The following CFAP46 variants were observed in gnomAD, a reference collection of about 807,000 sequenced individuals.
CFAP46 encodes cilia and flagella associated protein 46.
CFAP46 carries 245 observed loss-of-function variants against 325.7 expected under a neutral mutation model. The observed-to-expected ratio is 0.75, with a 90% CI of 0.68 to 0.84. The LOEUF (loss-of-function observed/expected upper bound fraction) is 0.84, where lower values mean the gene tolerates loss of function less well. Ranked by LOEUF, CFAP46 falls within the 40% of genes least tolerant of loss-of-function variation. The pLI, the probability that CFAP46 is intolerant of heterozygous loss-of-function variation, is 0.00. For missense variants in CFAP46, 3,346 were observed against 3,543.0 expected (o/e 0.94, Z 1.41); for synonymous variants, 1,523 against 1,495.9 (o/e 1.02, Z -0.42).
chr10:132,862,978 C>G (rs1210608842), intron 35 of CFAP46, among the ~76,000 whole-genome samples: 1 of 152,064 alleles, frequency 6.6e-6, no homozygotes, highest in African/African-American at 2.4e-5. Context: ...CGGGAAAGAT[C>G]AAGGAAACAA....
intron 8 of CFAP46, among the ~76,000 whole-genome samples, chr10:132,930,540 C>T (rs1849880110): frequency 2.1e-5 from 3 of 140,480 alleles, no homozygotes; most frequent in Admixed American, 7.0e-5. Context: ...GGGCCTTCCC[C>T]ACACTCCGCA....
intron 50 of CFAP46, among the ~76,000 whole-genome samples, chr10:132,831,903 T>A (rs559238617): frequency 6.5e-4 from 99 of 152,294 alleles, no homozygotes; most frequent in African/African-American, 2.3e-3. Context: ...GTTTTTTGTT[T>A]GTTTTTCTTG....
rs1050474064 is a variant in CFAP46, at chr10:132,879,384, G to A, written c.4005+42C>T. On this transcript the variant is annotated intron_variant, in intron 29 of 57. Transcript: ENST00000368586. The stretch of plus-strand genomic sequence containing the variant: ...GTTTCCCCAGCCCGCGGCCCGTCCC[G>A]GGAGGTGCTGCAGGAGCAGGGGAGT... 1.7e-5 allele frequency: 24 copies of A among 1,445,396 alleles called. No individual in the cohort carries two copies. In the Admixed American group the frequency reaches 2.2e-4, roughly 13 times the overall value. 89.5% of individuals were successfully genotyped at this position (1,445,396 alleles called of 1,614,324 possible).
At chr10:132,899,933 G>C (rs573600740) in intron 22 of CFAP46, among the ~76,000 whole-genome samples, 1 of 152,194 alleles carries the variant, frequency 6.6e-6, no homozygotes, top group Admixed American at 6.5e-5. Context: ...GCCGGAGACA[G>C]CCGCCCTGGG....
intron 26 of CFAP46, 73 bp from the exon 27 acceptor site, chr10:132,885,359 G>T: frequency 7.2e-7 from 1 of 1,388,694 alleles, no homozygotes; most frequent in Non-Finnish European, 9.7e-7. Context: ...GATGCAGCCC[G>T]GACTTATTCC....
At chr10:132,849,185 C>T (rs1251546992) in intron 41 of CFAP46, among the ~76,000 whole-genome samples, 3 of 152,246 alleles carry the variant, frequency 2.0e-5, no homozygotes, top group Admixed American at 1.3e-4. Flanking sequence ...TGGATGAGGA[C>T]GCAGCTCACA....
At chr10:132,916,756 C>T in intron 16 of CFAP46, 74 bp from the exon 17 acceptor site, 1 of 1,400,056 alleles carries the variant, frequency 7.1e-7, no homozygotes. Context: ...AACACACACG[C>T]CCTTCCCTCA....
At chr10:132,910,422 G>A (rs537994081) in intron 19 of CFAP46, among the ~76,000 whole-genome samples, 15 of 152,356 alleles carry the variant, frequency 9.8e-5, no homozygotes, top group Admixed American at 3.3e-4. Flanking sequence ...ACGGAGCCCC[G>A]AAAGTGGGGG....
At chr10:132,867,041 C>T (rs1170023622) in intron 34 of CFAP46, among the ~76,000 whole-genome samples, 5 of 152,142 alleles carry the variant, frequency 3.3e-5, no homozygotes, top group Non-Finnish European at 7.4e-5. Context: ...CCGGGGAATT[C>T]CAGGGCCCAC....
intron 38 of CFAP46, among the ~76,000 whole-genome samples, chr10:132,858,543 G>A (rs1397512767): frequency 1.3e-5 from 2 of 152,180 alleles, no homozygotes; most frequent in East Asian, 3.9e-4. Flanking sequence ...GCTGGCATCA[G>A]GGCTGTGCTG....
intron 35 of CFAP46, among the ~76,000 whole-genome samples, chr10:132,864,435 G>A (rs1405309348): frequency 1.3e-5 from 1 of 75,138 alleles, no homozygotes. Context: ...CCTGTCCCCA[G>A]TGCCTGAGAC....
At chr10:132,873,268 G>A (rs1334721727) in intron 31 of CFAP46, among the ~76,000 whole-genome samples, 1 of 152,218 alleles carries the variant, frequency 6.6e-6, no homozygotes, top group East Asian at 1.9e-4. Context: ...TTACTCTTGA[G>A]TGGGAAATTA....
intron 27 of CFAP46, 98 bp from the exon 28 acceptor site, chr10:132,881,130 G>T (rs906199897): frequency 1.7e-6 from 2 of 1,196,308 alleles, no homozygotes; most frequent in South Asian, 1.4e-5. Flanking sequence ...TACAAGAAAA[G>T]CTTCATTCTT....
rs950854271 is a variant in CFAP46, at chr10:132,812,702, C to T, written c.7501+83G>A. 4 of 952,518 alleles carry T rather than the reference C, an allele frequency of 4.2e-6. No individual in the cohort carries two copies. The African/African-American group carries it at 4.8e-5, about 11-fold the overall frequency. 59.0% of individuals were successfully genotyped at this position (952,518 alleles called of 1,614,324 possible). A position where few individuals can be genotyped will look rare whatever the true frequency, so the allele number is the denominator to read the frequency against. On this transcript the variant is annotated intron_variant, in intron 55 of 57. Coordinates refer to ENST00000368586, the MANE Select transcript of CFAP46 (RefSeq NM_001200049.3). The stretch of plus-strand genomic sequence containing the variant: ...CCACAGGGGGTGGGGGCAGCACCAG[C>T]AGGTGACAGTGGCCCTGCTCTGCCC...
intron 8 of CFAP46, among the ~76,000 whole-genome samples, chr10:132,933,193 C>T (rs1307451993): frequency 6.6e-6 from 1 of 152,218 alleles, no homozygotes; most frequent in African/African-American, 2.4e-5. Context: ...CTCCGCCCCT[C>T]GTCCCTGCCC....
Position 132,812,898 on chromosome 10 carries a change from C to T in CFAP46, c.7389-1G>A. ...CAGGGCCTGCTCCCACTGGGCCTGG[C>T]TGCAGAGAGAGGAGAGCGCTGGTCA... On this transcript the variant is annotated splice_acceptor_variant, in intron 54 of 57. Coordinates refer to ENST00000368586, the MANE Select transcript of CFAP46 (RefSeq NM_001200049.3). LOFTEE classifies it high-confidence loss of function. The T allele has an allele frequency of 6.2e-7, 1 of 1,605,792 alleles. No homozygotes were observed. The highest frequency in any genetic ancestry group is 8.5e-7 in the Non-Finnish European group (1 of 1,178,942).
At position 132,834,694 on chromosome 10, in the gene CFAP46, G is replaced by A; in HGVS notation, c.6826C>T (p.Leu2276=). 1 of 1,613,048 alleles carries A rather than the reference G, an allele frequency of 6.2e-7. No homozygotes were observed. The highest frequency in any genetic ancestry group is 8.5e-7 in the Non-Finnish European group (1 of 1,179,956). ...CTGAGCAGGGGGAATAGCGGCTGCA[G>A]AAGCTCCTCCAGGGGCCCCAGGACG... ...SSVLGPLEEL[L]QPLFPLLSLS... Residue 2276 remains leucine, a synonymous_variant, in exon 48 of 58, where the codon CTG becomes TTG. Transcript: ENST00000368586.
chr10:132,882,449 G>A lies in CFAP46; in HGVS notation c.3628-1417C>T, dbSNP rs144088160. ...AAGGTGTGGGTTTGTTGTGGATGTCGGGTGTAAGTCCAGCCACCGGAGGAT... is the reference window on the plus strand; with the variant it reads ...AAGGTGTGGGTTTGTTGTGGATGTCAGGTGTAAGTCCAGCCACCGGAGGAT... On this transcript the variant is annotated intron_variant, in intron 27 of 57. Coordinates refer to ENST00000368586, the MANE Select transcript of CFAP46 (RefSeq NM_001200049.3). Among the ~76,000 whole-genome samples, 1,424 of 151,944 alleles carry A rather than the reference G, an allele frequency of 9.4e-3. 13 individuals carry two copies. Among genetic ancestry groups the A allele is most frequent in the South Asian group, 0.043 (209 of 4,818 alleles).
chr10:132,915,428 G>T (rs757960862), intron 17 of CFAP46, among the ~76,000 whole-genome samples: 1 of 152,286 alleles, frequency 6.6e-6, no homozygotes, highest in African/African-American at 2.4e-5. Flanking sequence ...ACCTGCAGCC[G>T]TCATCGTCAT....
Sources: gnomAD v4.1 joint callset for allele counts (sites outside exome capture counted in the v4.1 genomes callset) on GRCh38, gnomAD v4.1.1 for gene constraint, MANE v1.5 for transcripts, NCBI Gene and HGNC (gene_info 2026-07-23, HGNC 2026-07-21) for gene names.